The following SGCZ variants were observed in gnomAD, a reference collection of about 807,000 sequenced individuals.
The protein encoded by SGCZ is sarcoglycan zeta.
A neutral mutation model predicts 41.3 loss-of-function variants in SGCZ; 40 were observed. The observed-to-expected ratio is 0.97, with a 90% CI of 0.75 to 1.26. The LOEUF (loss-of-function observed/expected upper bound fraction) is 1.26. Ranked by LOEUF, SGCZ falls within the 50% of genes most tolerant of loss-of-function variation. The probability of loss-of-function intolerance (pLI) is 0.00; values close to 1 mark genes in which losing one functional copy is unlikely to be tolerated. For synonymous variants in SGCZ, 206 were observed against 137.5 expected, an observed-to-expected ratio of 1.50 and a Z score of -3.49; for missense variants, 552 against 369.8, an observed-to-expected ratio of 1.49 and a Z score of -4.04.
chr8:15,232,057 T>C (rs145745022), intron 1 of SGCZ, among the ~76,000 whole-genome samples: 2,450 of 152,326 alleles, frequency 0.016, 36 homozygotes, highest in Middle Eastern at 0.037. Context: ...TGTAAGCATT[T>C]ACTCATTTAA....
intron 1 of SGCZ, among the ~76,000 whole-genome samples, chr8:14,715,116 G>A (rs1809645978): frequency 6.6e-6 from 1 of 152,128 alleles, no homozygotes; most frequent in Non-Finnish European, 1.5e-5. Flanking sequence ...TGTCTACGAT[G>A]CATATTCATG....
intron 1 of SGCZ, among the ~76,000 whole-genome samples, chr8:15,091,102 C>G (rs1288554305): frequency 1.3e-5 from 2 of 152,196 alleles, no homozygotes; most frequent in South Asian, 4.1e-4. Context: ...CATACTTGAA[C>G]TGGTAGAGTA....
intron 1 of SGCZ, among the ~76,000 whole-genome samples, chr8:14,630,787 C>A (rs1239506634): frequency 6.8e-6 from 1 of 148,014 alleles, no homozygotes; most frequent in Non-Finnish European, 1.5e-5. Flanking sequence ...AACCAAACAC[C>A]ACGTGTTCTC....
chr8:15,088,006 C>A (rs1384605727), intron 1 of SGCZ, among the ~76,000 whole-genome samples: 1 of 142,664 alleles, frequency 7.0e-6, no homozygotes, highest in Non-Finnish European at 1.5e-5. Context: ...TTCTGACTCT[C>A]TCTCACTCCA....
At chr8:14,517,147 C>T (rs1484472441) in intron 2 of SGCZ, among the ~76,000 whole-genome samples, 6 of 151,968 alleles carry the variant, frequency 3.9e-5, no homozygotes, top group Non-Finnish European at 7.4e-5. Flanking sequence ...GTCCTGCCTT[C>T]AGATCATCAC....
intron 1 of SGCZ, among the ~76,000 whole-genome samples, chr8:14,770,653 A>T (rs1800206616): frequency 6.6e-6 from 1 of 152,146 alleles, no homozygotes; most frequent in Non-Finnish European, 1.5e-5. Flanking sequence ...TCCATTATGT[A>T]TTTACTCATT....
intron 2 of SGCZ, among the ~76,000 whole-genome samples, chr8:14,336,557 C>T (rs192417414): frequency 9.1e-4 from 138 of 152,284 alleles, no homozygotes; most frequent in African/African-American, 3.2e-3. Flanking sequence ...CTCCCATCAA[C>T]AGTGTATAAG....
chr8:14,312,581 T>C (rs1244075278), intron 3 of SGCZ, among the ~76,000 whole-genome samples: 2 of 151,816 alleles, frequency 1.3e-5, no homozygotes, highest in Non-Finnish European at 2.9e-5. Flanking sequence ...ATCACACCTG[T>C]GAATAGCCAC....
At chr8:14,546,626 C>T (rs1329991222) in intron 2 of SGCZ, among the ~76,000 whole-genome samples, 2 of 152,066 alleles carry the variant, frequency 1.3e-5, no homozygotes, top group Non-Finnish European at 2.9e-5. Flanking sequence ...AGATTAGGTA[C>T]ATTCTTCCAT....
intron 3 of SGCZ, among the ~76,000 whole-genome samples, chr8:14,251,286 C>A (rs769436304): frequency 6.6e-6 from 1 of 152,126 alleles, no homozygotes; most frequent in Non-Finnish European, 1.5e-5. Context: ...GCACTGATAT[C>A]TAACATCATG....
intron 1 of SGCZ, among the ~76,000 whole-genome samples, chr8:15,030,894 A>G (rs1235813468): frequency 6.6e-6 from 1 of 152,186 alleles, no homozygotes; most frequent in African/African-American, 2.4e-5. Flanking sequence ...AAACTAGGAA[A>G]CACAGTTTAA....
intron 1 of SGCZ, among the ~76,000 whole-genome samples, chr8:15,067,788 G>T (rs1840358): frequency 0.7 from 106,451 of 151,980 alleles, 38,535 homozygotes; most frequent in East Asian, 0.92. Context: ...AGAAATTAAA[G>T]GTGAGCCATC....
intron 1 of SGCZ, among the ~76,000 whole-genome samples, chr8:14,873,280 C>A (rs568323999): frequency 6.6e-6 from 1 of 152,088 alleles, no homozygotes; most frequent in East Asian, 1.9e-4. Context: ...GAGGAAAGAG[C>A]ATAGATGAGT....
intron 2 of SGCZ, among the ~76,000 whole-genome samples, chr8:14,371,303 C>A (rs1211913227): frequency 6.6e-6 from 1 of 151,910 alleles, no homozygotes; most frequent in Non-Finnish European, 1.5e-5. Context: ...TTATTAGAAT[C>A]ATTAAAAAAT....
intron 1 of SGCZ, among the ~76,000 whole-genome samples, chr8:14,830,783 C>T (rs1404515034): frequency 6.6e-6 from 1 of 152,044 alleles, no homozygotes; most frequent in Non-Finnish European, 1.5e-5. Flanking sequence ...GTCACAACAT[C>T]TCAAAAGGTA....
At chr8:14,277,870 T>A (rs1385922042) in intron 3 of SGCZ, among the ~76,000 whole-genome samples, 1 of 151,176 alleles carries the variant, frequency 6.6e-6, no homozygotes, top group African/African-American at 2.4e-5. Flanking sequence ...TGTAAGCAAA[T>A]AACCAGGAAA....
chr8:14,648,314 T>C (rs1807290535), intron 1 of SGCZ, among the ~76,000 whole-genome samples: 1 of 152,142 alleles, frequency 6.6e-6, no homozygotes, highest in African/African-American at 2.4e-5. Flanking sequence ...TGTTTCATTC[T>C]GTAGCTTTGT....
chr8:14,256,830 T>C (rs761928644), intron 3 of SGCZ, among the ~76,000 whole-genome samples: 3 of 152,178 alleles, frequency 2.0e-5, no homozygotes, highest in Non-Finnish European at 4.4e-5. Flanking sequence ...CTGTCTAATA[T>C]TTACTCTTAC....
At chr8:14,547,629 C>T (rs1371248023) in intron 2 of SGCZ, among the ~76,000 whole-genome samples, 1 of 152,094 alleles carries the variant, frequency 6.6e-6, no homozygotes, top group Non-Finnish European at 1.5e-5. Flanking sequence ...TTTTAAAGAG[C>T]TTTTGTAAGT....
Sources: gnomAD v4.1 joint callset for allele counts (sites outside exome capture counted in the v4.1 genomes callset) on GRCh38, gnomAD v4.1.1 for gene constraint, MANE v1.5 for transcripts, NCBI Gene and HGNC (gene_info 2026-07-23, HGNC 2026-07-21) for gene names.